The following DDX60 variants were observed in gnomAD, a reference collection of about 807,000 sequenced individuals.
The protein encoded by DDX60 is probable ATP-dependent RNA helicase DDX60.
A neutral mutation model predicts 212.8 loss-of-function variants in DDX60; 165 were observed. The ratio of observed to expected loss-of-function variants is 0.78; its 90% CI spans 0.68 to 0.88. DDX60 has a LOEUF of 0.88. Among genes scored for constraint, DDX60 ranks in the 40% least tolerant of loss-of-function variants. The probability of loss-of-function intolerance (pLI) is 0.00; values close to 1 mark genes in which losing one functional copy is unlikely to be tolerated. For synonymous variants in DDX60, 703 were observed against 685.3 expected (o/e 1.03, Z -0.40); for missense variants, 1,905 against 2,003.9 (o/e 0.95, Z 0.94).
intron 14 of DDX60, among the ~76,000 whole-genome samples, chr4:168,276,443 T>G (rs115140276): frequency 1.3e-5 from 2 of 152,358 alleles, no homozygotes; most frequent in African/African-American, 2.4e-5. Context: ...AAGCTCAAGT[T>G]TGTAAAAGTT....
intron 1 of DDX60, among the ~76,000 whole-genome samples, chr4:168,313,460 G>C (rs1214701978): frequency 6.6e-6 from 1 of 152,034 alleles, no homozygotes; most frequent in Non-Finnish European, 1.5e-5. Context: ...AGGAGATTAG[G>C]TATTTTCAAA....
intron 30 of DDX60, among the ~76,000 whole-genome samples, chr4:168,240,392 C>T (rs1040010373): frequency 6.6e-6 from 1 of 152,162 alleles, no homozygotes; most frequent in Non-Finnish European, 1.5e-5. Flanking sequence ...AATGGCCATA[C>T]TGCCCAGAGT....
intron 6 of DDX60, 23 bp from the exon 7 acceptor site, chr4:168,293,968 T>C (rs1579063331): frequency 1.9e-6 from 3 of 1,598,024 alleles, no homozygotes; most frequent in Non-Finnish European, 2.6e-6. Flanking sequence ...AAAATTGTAA[T>C]GTGTCATGCT....
At chr4:168,294,488 T>G (rs1736254276) in intron 6 of DDX60, among the ~76,000 whole-genome samples, 1 of 151,062 alleles carries the variant, frequency 6.6e-6, no homozygotes, top group South Asian at 2.1e-4. Context: ...ATACATTTAT[T>G]TATTTATTTA....
chr4:168,265,058 G>A (rs765828395), intron 22 of DDX60, among the ~76,000 whole-genome samples: 14 of 152,192 alleles, frequency 9.2e-5, no homozygotes, highest in Non-Finnish European at 1.9e-4. Context: ...GGGGCTGATA[G>A]CTCTCCAGGA....
chr4:168,260,702 A>G (rs1357272386), intron 25 of DDX60, among the ~76,000 whole-genome samples, 163 bp downstream of exon 25: 6 of 152,184 alleles, frequency 3.9e-5, no homozygotes, highest in Non-Finnish European at 8.8e-5. Flanking sequence ...TCAGGCAGCA[A>G]TGCTCGCTGG....
chr4:168,298,083 T>G (rs1299181740), intron 6 of DDX60, among the ~76,000 whole-genome samples: 1 of 151,966 alleles, frequency 6.6e-6, no homozygotes, highest in African/African-American at 2.4e-5. Flanking sequence ...GAGATTATTC[T>G]TTTTATAAAA....
chr4:168,289,565 T>A (rs1383446410), intron 8 of DDX60, among the ~76,000 whole-genome samples: 1 of 152,184 alleles, frequency 6.6e-6, no homozygotes, highest in African/African-American at 2.4e-5. Flanking sequence ...TAAACTTTTA[T>A]CTCCAGCCCA....
chr4:168,286,249 T>G (rs1021248972), intron 10 of DDX60, among the ~76,000 whole-genome samples: 1 of 151,822 alleles, frequency 6.6e-6, no homozygotes, highest in Non-Finnish European at 1.5e-5. Flanking sequence ...GCCTCAGAGA[T>G]TATATATCTA....
In DDX60 at chr4:168,259,758, C is replaced by A. The variant is rs943959480; in HGVS notation, c.3398+1107G>T. On this transcript the variant is annotated intron_variant, in intron 25 of 37. Coordinates refer to ENST00000393743, the MANE Select transcript of DDX60 (RefSeq NM_017631.6). ...TCCAACGAAATTGCACTATTTTGTTCAATTTTAAGCTATTTGATACTATAA... is the reference window on the plus strand; with the variant it reads ...TCCAACGAAATTGCACTATTTTGTTAAATTTTAAGCTATTTGATACTATAA... 2.0e-5 allele frequency among the ~76,000 whole-genome samples: 3 copies of A among 150,616 alleles called. No individual in the cohort carries two copies. In the Admixed American group the frequency reaches 2.0e-4, roughly 10 times the overall value.
intron 14 of DDX60, among the ~76,000 whole-genome samples, chr4:168,278,058 C>A (rs1735427534): frequency 1.3e-5 from 2 of 152,202 alleles, no homozygotes; most frequent in East Asian, 1.9e-4. Context: ...GTTCAAATAA[C>A]CCTTCTTTTA....
intron 5 of DDX60, among the ~76,000 whole-genome samples, chr4:168,303,094 A>T (rs1736716226): frequency 6.6e-6 from 1 of 152,062 alleles, no homozygotes; most frequent in South Asian, 2.1e-4. Context: ...CGAGGTCAGG[A>T]GATCGAGACC....
Position 168,216,832 on chromosome 4 carries a change from C to T in DDX60, c.*101G>A, listed in dbSNP as rs1732862037. 1.3e-5 allele frequency: 9 copies of T among 698,628 alleles called. No individual in the cohort carries two copies. Among genetic ancestry groups the T allele is most frequent in the South Asian group, 1.2e-4 (6 of 48,572 alleles). 43.3% of individuals were successfully genotyped at this position (698,628 alleles called of 1,614,324 possible). On this transcript the variant is annotated 3_prime_UTR_variant, in exon 38 of 38. Transcript: ENST00000393743. Reference sequence around the variant, plus strand: ...TCCACTTCATCGTAATGTATTTCCACTTTATCATAATGTATTTCTGGCAAG... The same window carrying T: ...TCCACTTCATCGTAATGTATTTCCATTTTATCATAATGTATTTCTGGCAAG...
chr4:168,257,133 T>G (rs1734444321), intron 25 of DDX60, among the ~76,000 whole-genome samples: 1 of 152,176 alleles, frequency 6.6e-6, no homozygotes, highest in African/African-American at 2.4e-5. Context: ...GAGACCAGCC[T>G]GGACAACACA....
upstream of DDX60, among the ~76,000 whole-genome samples, chr4:168,323,296 C>A (rs1560891807): frequency 2.0e-5 from 3 of 152,100 alleles, no homozygotes; most frequent in South Asian, 6.2e-4. Flanking sequence ...TTTAGAGGTG[C>A]CCCCATTATG....
In DDX60 at chr4:168,251,012, G is replaced by C; in HGVS notation, c.3800C>G (p.Ala1267Gly). ...AERGIGYHHS[A>G]MSFKEKQLVE... ...TAATTGTTTTTCTTTGAAACTCATA[G>C]CACTGTGATGATATCCAATACCCCT... The change falls in exon 28 of 38, where the codon GCT becomes GGT. Residue 1267 changes from alanine to glycine, a missense_variant. Transcript: ENST00000393743. 2 of 1,611,008 alleles carry C rather than the reference G, an allele frequency of 1.2e-6. No individual in the cohort carries two copies. Among genetic ancestry groups the C allele is most frequent in the Non-Finnish European group, 1.7e-6 (2 of 1,177,842 alleles).
chr4:168,219,023 G>A (rs1444927417), intron 37 of DDX60, among the ~76,000 whole-genome samples: 1 of 151,894 alleles, frequency 6.6e-6, no homozygotes, highest in Admixed American at 6.6e-5. Flanking sequence ...GTTCTTGCCT[G>A]TAATCCTAGC....
At chr4:168,307,936 A>C in intron 4 of DDX60, 70 bp downstream of exon 4, 4 of 871,048 alleles carry the variant, frequency 4.6e-6, no homozygotes, top group Non-Finnish European at 6.4e-6. Flanking sequence ...AGAAAAATAT[A>C]TATATAATAA....
rs537994386 is a variant in DDX60, at chr4:168,222,957, T to G, written c.4825-1076A>C. On this transcript the variant is annotated intron_variant, in intron 35 of 37. Transcript: ENST00000393743. ...CTAAAAATAAAAGAGAGTTCGACGT[T>G]ACAGCAGGGATGAACCTTAAGGCAT... Among the ~76,000 whole-genome samples, 55 of 152,190 alleles carry G rather than the reference T, an allele frequency of 3.6e-4. 1 individual carries two copies. In the South Asian group the frequency reaches 0.011, roughly 29 times the overall value.
Sources: allele counts gnomAD v4.1 joint callset (sites outside exome capture counted in the v4.1 genomes callset), GRCh38; gene constraint gnomAD v4.1.1; transcripts MANE v1.5; gene names NCBI Gene and HGNC (gene_info 2026-07-23, HGNC 2026-07-21).